NCOR1: variants seen among roughly 807,000 people sequenced by gnomAD.
NCOR1 encodes nuclear receptor corepressor 1.
A neutral mutation model predicts 288.1 loss-of-function variants in NCOR1; 63 were observed. That is an observed-to-expected ratio of 0.22 (90% CI 0.18 to 0.27). The LOEUF (loss-of-function observed/expected upper bound fraction) is 0.27, where lower values mean the gene tolerates loss of function less well. Among genes scored for constraint, NCOR1 ranks in the 10% least tolerant of loss-of-function variants. The probability of loss-of-function intolerance (pLI) is 1.00; values close to 1 mark genes in which losing one functional copy is unlikely to be tolerated. For synonymous variants in NCOR1, 1,007 were observed against 1,065.9 expected, an observed-to-expected ratio of 0.94 and a Z score of 1.08; for missense variants, 2,397 against 3,019.2, an observed-to-expected ratio of 0.79 and a Z score of 4.83.
intron 27 of NCOR1, among the ~76,000 whole-genome samples, chr17:16,075,013 G>A (rs549380578): frequency 5.1e-4 from 78 of 152,062 alleles, no homozygotes; most frequent in African/African-American, 1.8e-3. Flanking sequence ...GACTACAGGC[G>A]CCCGCCACCA....
chr17:16,205,213 T>A (rs2091339692), intron 1 of NCOR1, among the ~76,000 whole-genome samples: 1 of 149,384 alleles, frequency 6.7e-6, no homozygotes, highest in Admixed American at 6.7e-5. Flanking sequence ...AGAGCAAAAC[T>A]CTGTCTCACA....
intron 1 of NCOR1, among the ~76,000 whole-genome samples, chr17:16,213,490 A>C (rs1167808093): frequency 2.0e-5 from 1 of 50,272 alleles, no homozygotes; most frequent in East Asian, 3.1e-4. Flanking sequence ...AGACTGTCTC[A>C]AAAAAAAAAA....
intron 1 of NCOR1, among the ~76,000 whole-genome samples, chr17:16,199,216 A>AAAAAACACAC (rs1337668798): frequency 5.9e-4 from 72 of 122,302 alleles, no homozygotes; most frequent in Middle Eastern, 4.2e-3. Flanking sequence ...AAAAAAAAAA[A>AAAAAACACAC]ACACACACAC....
chr17:16,136,675 C>T (rs1190337661), intron 14 of NCOR1, among the ~76,000 whole-genome samples: 3 of 151,806 alleles, frequency 2.0e-5, no homozygotes, highest in African/African-American at 7.3e-5. Context: ...GGCGTGGTGG[C>T]AGGCGCCTGT....
rs1205405218 is a variant in NCOR1, at chr17:16,149,443, G to C, written c.909+8C>G. ...TATAAATTTCAGTTAACAAGGATAG[G>C]ACCTCACCCTTTGTTTTCTTGCATG... On this transcript the variant is annotated splice_region_variant and intron_variant, in intron 9 of 45. Coordinates refer to ENST00000268712, the MANE Select transcript of NCOR1 (RefSeq NM_006311.4). 12 of 1,523,812 alleles carry C rather than the reference G, an allele frequency of 7.9e-6. No individual in the cohort carries two copies. Among genetic ancestry groups the C allele is most frequent in the Non-Finnish European group, 1.8e-6 (2 of 1,112,498 alleles). 94.4% of individuals were successfully genotyped at this position (1,523,812 alleles called of 1,614,324 possible).
rs2152974429 is a variant in NCOR1 at position 16,098,417 on chromosome 17, G to C, written c.2770C>G (p.Pro924Ala). 6.2e-7 allele frequency: 1 copy of C among 1,614,080 alleles called. No individual in the cohort carries two copies. The highest frequency in any genetic ancestry group is 1.1e-5 in the South Asian group (1 of 91,068). Residue 924 changes from proline to alanine, a missense_variant, in exon 21 of 46, where the codon CCA (proline) becomes GCA (alanine). Around this residue, in one of 11 missense-constraint regions of NCOR1, gnomAD observed 1,872 missense variants for 2,187.8 expected, o/e 0.86. Coordinates refer to ENST00000268712, the MANE Select transcript of NCOR1 (RefSeq NM_006311.4). Reference sequence around the variant, plus strand: ...TGCTGAAGCTGTGGCAGATCCAGTGGATTTGGTTTTAACGGAGATGAGACG... The same window carrying C: ...TGCTGAAGCTGTGGCAGATCCAGTGCATTTGGTTTTAACGGAGATGAGACG... The part of the protein sequence containing the change: ...ILVSSPLKPN[P>A]LDLPQLQHRA...
intron 1 of NCOR1, among the ~76,000 whole-genome samples, chr17:16,200,042 T>C (rs1047025191): frequency 6.6e-6 from 1 of 151,914 alleles, no homozygotes; most frequent in Non-Finnish European, 1.5e-5. Context: ...AACAGGAAAA[T>C]CTTGCAACAA....
Position 16,086,418 on chromosome 17 carries a change from A to G in NCOR1, c.3041T>C (p.Val1014Ala). 6.2e-7 allele frequency: 1 copy of G among 1,614,082 alleles called. No homozygotes were observed. Among genetic ancestry groups the G allele is most frequent in the Non-Finnish European group, 8.5e-7 (1 of 1,179,962 alleles). The change falls in exon 23 of 46, where the codon GTG becomes GCG. Residue 1014 changes from valine (V) to alanine (A), a missense_variant. Coordinates refer to ENST00000268712, the MANE Select transcript of NCOR1 (RefSeq NM_006311.4). ...AACGCCTTCAGGGAGATTAGTTATC[A>G]CTTGATGTGGAGCAGGCTGAAGGAC... is the stretch of plus-strand genomic sequence containing the variant. Reference protein sequence around the residue: ...WEVLQPAPHQVITNLPEGVRL... With the variant: ...WEVLQPAPHQAITNLPEGVRL...
At chr17:16,097,443 G>A (rs546615761) in intron 21 of NCOR1, among the ~76,000 whole-genome samples, 2 of 152,324 alleles carry the variant, frequency 1.3e-5, no homozygotes, top group East Asian at 3.9e-4. Flanking sequence ...CCAGGGAGAG[G>A]AGAGGGGCTA....
chr17:16,174,592 T>G (rs1460177794), intron 3 of NCOR1, among the ~76,000 whole-genome samples: 2 of 152,204 alleles, frequency 1.3e-5, no homozygotes, highest in African/African-American at 4.8e-5. Flanking sequence ...GAAATCAGAC[T>G]ACTTCCCATT....
Position 16,075,536 on chromosome 17 carries a change from T to A in NCOR1, c.3668A>T (p.Asp1223Val), listed in dbSNP as rs759481823. ...TGGTGCATACATACAATACTTACTA[T>A]CATATGACAAGATATGTCCACTTTT... ...EGKSGHILSY[D>V]NIKNAREGTR... Residue 1223 changes from aspartate to valine, a missense_variant and splice_region_variant, in exon 27 of 46, where the codon GAT (aspartate) becomes GTT (valine). Transcript: ENST00000268712. 6.2e-7 allele frequency: 1 copy of A among 1,613,972 alleles called. No homozygotes were observed. Among genetic ancestry groups the A allele is most frequent in the Non-Finnish European group, 8.5e-7 (1 of 1,179,984 alleles).
rs561493960 is a variant in NCOR1, at chr17:16,201,084, C to A, written c.-70-6445G>T. 9.2e-5 allele frequency among the ~76,000 whole-genome samples: 14 copies of A among 152,286 alleles called. No homozygotes were observed. The South Asian group carries it at 1.0e-3, about 11-fold the overall frequency. ...GGAAAAAAAAGCTACTGCTTCTCAGCCTTTTGGTTAAGATCCAATCTGGGA... is the reference window on the plus strand; with the variant it reads ...GGAAAAAAAAGCTACTGCTTCTCAGACTTTTGGTTAAGATCCAATCTGGGA... On this transcript the variant is annotated intron_variant, in intron 1 of 45. Transcript: ENST00000268712.
intron 11 of NCOR1, among the ~76,000 whole-genome samples, chr17:16,143,076 G>T (rs1053663234): frequency 3.9e-5 from 6 of 152,102 alleles, no homozygotes; most frequent in African/African-American, 1.4e-4. Context: ...GCAGACAGAT[G>T]ACTCTGATAT....
At chr17:16,079,897 T>C (rs998508546) in intron 26 of NCOR1, 67 bp downstream of exon 26, 15 of 1,372,430 alleles carry the variant, frequency 1.1e-5, no homozygotes, top group African/African-American at 2.9e-5. Context: ...ATAGCCAAAG[T>C]GCTAAGAATT....
At chr17:16,194,297 A>T (rs1295946265) in intron 2 of NCOR1, among the ~76,000 whole-genome samples, 165 bp downstream of exon 2, 1 of 152,186 alleles carries the variant, frequency 6.6e-6, no homozygotes, top group Non-Finnish European at 1.5e-5. Flanking sequence ...GTAAGACAGA[A>T]ATAATTAATT....
chr17:16,171,116 G>A (rs758447796), intron 4 of NCOR1, among the ~76,000 whole-genome samples: 3 of 152,130 alleles, frequency 2.0e-5, no homozygotes, highest in Non-Finnish European at 4.4e-5. Context: ...TATGTGAGGT[G>A]ATGAATATGT....
At chr17:16,082,469 A>G (rs2152831254) in intron 23 of NCOR1, among the ~76,000 whole-genome samples, 1 of 152,272 alleles carries the variant, frequency 6.6e-6, no homozygotes, top group East Asian at 1.9e-4. Context: ...TAATCCTTAC[A>G]CTTTGGGAAA....
At chr17:16,072,063 G>A in intron 29 of NCOR1, 82 bp downstream of exon 29, 1 of 1,102,040 alleles carries the variant, frequency 9.1e-7, no homozygotes, top group Non-Finnish European at 1.3e-6. Flanking sequence ...TTGAAAAGCA[G>A]AAATACACTG....
rs1196122392 is a variant in NCOR1, at chr17:16,030,539, ACT to A, written c.*1755_*1756del. On this transcript the variant is annotated 3_prime_UTR_variant, in exon 46 of 46. Coordinates refer to ENST00000268712, the MANE Select transcript of NCOR1 (RefSeq NM_006311.4). ...AAACTGTGAAGTGGAACATTTAGTC[ACT>A]GTTTTTCATTCATTTTGAAATTTTT... The A allele has an allele frequency of 1.0e-5, 2 of 191,590 alleles. No homozygotes were observed. The highest frequency in any genetic ancestry group is 4.7e-5 in the African/African-American group (2 of 42,940). The allele number at this position is 191,590 out of a possible 1,614,324, so 11.9% of individuals were successfully genotyped here. A position where few individuals can be genotyped will look rare whatever the true frequency, so the allele number is the denominator to read the frequency against.
Sources: allele counts gnomAD v4.1 joint callset (sites outside exome capture counted in the v4.1 genomes callset), GRCh38; gene constraint gnomAD v4.1.1; regional missense constraint gnomAD v4.1.1; transcripts MANE v1.5; gene names NCBI Gene and HGNC (gene_info 2026-07-23, HGNC 2026-07-21).